The following NYAP2 variants were observed in gnomAD, a reference collection of about 807,000 sequenced individuals.
The protein encoded by NYAP2 is neuronal tyrosine-phosphorylated phosphoinositide-3-kinase adapter 2.
A neutral mutation model predicts 50.4 loss-of-function variants in NYAP2; 23 were observed. The observed-to-expected ratio is 0.46, with a 90% CI of 0.33 to 0.65. The LOEUF is 0.65. Ranked by LOEUF, NYAP2 falls within the 30% of genes least tolerant of loss-of-function variation. The pLI, the probability that NYAP2 is intolerant of heterozygous loss-of-function variation, is 0.02. For missense variants in NYAP2, 885 were observed against 861.0 expected (o/e 1.03, Z -0.35); for synonymous variants, 394 against 365.2 (o/e 1.08, Z -0.90).
At chr2:225,466,807 A>G (rs1689926233) in intron 3 of NYAP2, among the ~76,000 whole-genome samples, 1 of 152,230 alleles carries the variant, frequency 6.6e-6, no homozygotes, top group South Asian at 2.1e-4. Flanking sequence ...CTGCAAATCC[A>G]TACAGGCCTG....
chr2:225,692,474 T>A, the NYAP2 span, among the ~76,000 whole-genome samples: 2 of 152,096 alleles, frequency 1.3e-5, no homozygotes, highest in Non-Finnish European at 2.9e-5. Context: ...CATTGAAGGA[T>A]CATTAGATGA....
intron 6 of NYAP2, among the ~76,000 whole-genome samples, chr2:225,644,094 C>T (rs1021696239): frequency 1.3e-5 from 2 of 151,026 alleles, no homozygotes; most frequent in African/African-American, 4.9e-5. Flanking sequence ...TCCACATCCT[C>T]TCCAGCACCT....
At chr2:225,628,219 T>G (rs6740841) in intron 6 of NYAP2, among the ~76,000 whole-genome samples, 3,793 of 152,110 alleles carry the variant, frequency 0.025, 72 homozygotes, top group Non-Finnish European at 0.039. Context: ...CTATATAAAT[T>G]TAATAAAAAT....
At chr2:225,679,970 C>A in the NYAP2 span, among the ~76,000 whole-genome samples, 1 of 152,052 alleles carries the variant, frequency 6.6e-6, no homozygotes, top group Non-Finnish European at 1.5e-5. Flanking sequence ...AATATATAGT[C>A]ATAAATATTT....
chr2:225,428,878 G>C (rs1372203068), intron 3 of NYAP2, among the ~76,000 whole-genome samples: 2 of 152,208 alleles, frequency 1.3e-5, no homozygotes, highest in Admixed American at 1.3e-4. Flanking sequence ...TTATGTAAGA[G>C]AGAAAAATGT....
intron 4 of NYAP2, among the ~76,000 whole-genome samples, chr2:225,516,520 A>T (rs983743004): frequency 2.6e-5 from 4 of 152,088 alleles, no homozygotes; most frequent in African/African-American, 9.7e-5. Flanking sequence ...GTGATTCTTC[A>T]TGGGAATTTT....
At chr2:225,460,619 T>C (rs1689813676) in intron 3 of NYAP2, among the ~76,000 whole-genome samples, 1 of 152,208 alleles carries the variant, frequency 6.6e-6, no homozygotes, top group Admixed American at 6.5e-5. Flanking sequence ...TATGCTTACT[T>C]TAGTTCATTC....
chr2:225,522,692 T>C (rs1049286597), intron 4 of NYAP2, among the ~76,000 whole-genome samples: 2 of 152,282 alleles, frequency 1.3e-5, no homozygotes, highest in African/African-American at 4.8e-5. Context: ...CAAATGGTCC[T>C]TTCTTTCTTG....
At chr2:225,430,635 A>C (rs1364753925) in intron 3 of NYAP2, among the ~76,000 whole-genome samples, 1 of 152,196 alleles carries the variant, frequency 6.6e-6, no homozygotes, top group Non-Finnish European at 1.5e-5. Context: ...ACAGATAAGG[A>C]AACTGAGGCC....
chr2:225,420,638 G>T (rs1454127726), intron 3 of NYAP2, among the ~76,000 whole-genome samples: 2 of 149,706 alleles, frequency 1.3e-5, no homozygotes, highest in Admixed American at 1.3e-4. Flanking sequence ...TTGAGACAGG[G>T]TCTCACTCTG....
intron 3 of NYAP2, among the ~76,000 whole-genome samples, chr2:225,481,383 A>T (rs1289881095): frequency 1.3e-5 from 2 of 152,122 alleles, no homozygotes; most frequent in Non-Finnish European, 2.9e-5. Flanking sequence ...ATGCTCTAGG[A>T]TAATAATACT....
chr2:225,411,688 C>T (rs905321835), intron 3 of NYAP2, among the ~76,000 whole-genome samples: 19 of 151,864 alleles, frequency 1.3e-4, no homozygotes, highest in Admixed American at 7.2e-4. Context: ...TCAGTAAGAA[C>T]GGTTAGTGAG....
chr2:225,620,361 A>G (rs1384105350), intron 5 of NYAP2, among the ~76,000 whole-genome samples: 1 of 152,188 alleles, frequency 6.6e-6, no homozygotes, highest in African/African-American at 2.4e-5. Flanking sequence ...GTTCTTGAAT[A>G]CATACACACA....
At chr2:225,660,205 G>A in the NYAP2 span, among the ~76,000 whole-genome samples, 1 of 152,076 alleles carries the variant, frequency 6.6e-6, no homozygotes, top group Non-Finnish European at 1.5e-5. Flanking sequence ...CCATGTAATA[G>A]GGAGTTTAGG....
At chr2:225,595,483 C>T (rs946907072) in intron 5 of NYAP2, among the ~76,000 whole-genome samples, 3 of 152,198 alleles carry the variant, frequency 2.0e-5, no homozygotes, top group African/African-American at 7.2e-5. Context: ...CTACAAACAA[C>T]TTTCATTCTT....
intron 3 of NYAP2, among the ~76,000 whole-genome samples, chr2:225,451,498 T>C (rs1049949613): frequency 2.0e-5 from 3 of 152,198 alleles, no homozygotes; most frequent in Non-Finnish European, 4.4e-5. Context: ...ACTTATTATA[T>C]ATATATATAT....
At chr2:225,609,320 G>T (rs1252220316) in intron 5 of NYAP2, among the ~76,000 whole-genome samples, 2 of 152,094 alleles carry the variant, frequency 1.3e-5, no homozygotes, top group African/African-American at 4.8e-5. Context: ...GAGCCTACCT[G>T]ATTATGAGGC....
intron 4 of NYAP2, among the ~76,000 whole-genome samples, chr2:225,537,931 AG>A (rs1317176872): frequency 9.2e-5 from 14 of 152,216 alleles, no homozygotes; most frequent in Admixed American, 1.3e-4. Flanking sequence ...GCCAAAACAA[AG>A]TGGCTACAGG....
rs144206225 is a variant in NYAP2, at chr2:225,477,504, G to A, written c.222-35867G>A. On this transcript the variant is annotated intron_variant, in intron 3 of 6. Transcript: ENST00000636099. ...GCCTGCCTCGGCCTCCCAAAGTGCT[G>A]GGATTACAGGTGTGAGCCACCGTGC... Among the ~76,000 whole-genome samples the A allele has an allele frequency of 5.0e-3, 766 of 152,078 alleles. 4 individuals carry two copies. Among genetic ancestry groups the A allele is most frequent in the African/African-American group, 0.017 (713 of 41,468 alleles).
Sources: allele counts gnomAD v4.1 joint callset (sites outside exome capture counted in the v4.1 genomes callset), GRCh38; gene constraint gnomAD v4.1.1; transcripts MANE v1.5; gene names NCBI Gene and HGNC (gene_info 2026-07-23, HGNC 2026-07-21).